Variants in CDKL3 observed in about 807,000 individuals in gnomAD.
The protein encoded by CDKL3 is cyclin-dependent kinase-like 3.
In CDKL3, 65 loss-of-function variants were observed where a neutral mutation model predicts 69.3. The ratio of observed to expected loss-of-function variants is 0.94; its 90% CI spans 0.77 to 1.15. The LOEUF is 1.15. Among genes scored for constraint, CDKL3 ranks in the 50% most tolerant of loss-of-function variants. The probability of loss-of-function intolerance (pLI) is 0.00; values close to 1 mark genes in which losing one functional copy is unlikely to be tolerated. For synonymous variants in CDKL3, 202 were observed against 221.6 expected (o/e 0.91, Z 0.79); for missense variants, 652 against 689.2 (o/e 0.95, Z 0.61).
intron 4 of CDKL3, among the ~76,000 whole-genome samples, chr5:134,338,629 G>C (rs561336460): frequency 6.6e-6 from 1 of 152,280 alleles, no homozygotes; most frequent in South Asian, 2.1e-4. Flanking sequence ...AGAGGAGGCA[G>C]AGGTTTCAGT....
chr5:134,338,923 G>A (rs537685586), intron 4 of CDKL3, among the ~76,000 whole-genome samples: 1 of 152,106 alleles, frequency 6.6e-6, no homozygotes, highest in East Asian at 1.9e-4. Context: ...GTAGGCCTAG[G>A]TGGGTGGATC....
At chr5:134,370,558 A>G (rs1561673454), upstream of CDKL3, among the ~76,000 whole-genome samples, 1 of 152,122 alleles carries the variant, frequency 6.6e-6, no homozygotes, top group Non-Finnish European at 1.5e-5. Flanking sequence ...ATACAATGGT[A>G]CTCCCCCACC....
At chr5:134,295,052 T>C (rs1219322714), downstream of CDKL3, among the ~76,000 whole-genome samples, 1 of 148,062 alleles carries the variant, frequency 6.8e-6, no homozygotes, top group Non-Finnish European at 1.5e-5. Flanking sequence ...TCTCAGTCTG[T>C]TGCCTAGGCT....
chr5:134,332,418 T>A (rs1175648951), intron 4 of CDKL3, among the ~76,000 whole-genome samples: 2 of 152,230 alleles, frequency 1.3e-5, no homozygotes, highest in Admixed American at 6.5e-5. Flanking sequence ...AGGGTTTTTA[T>A]GGTTTTAGGT....
intron 3 of CDKL3, among the ~76,000 whole-genome samples, chr5:134,357,160 T>C (rs1472085913): frequency 2.0e-5 from 3 of 152,128 alleles, no homozygotes; most frequent in African/African-American, 7.2e-5. Context: ...TTTAAGAAAA[T>C]GTAAGCCGGG....
chr5:134,371,572 C>T, upstream of CDKL3: 1 of 1,610,338 alleles, frequency 6.2e-7, no homozygotes, highest in Non-Finnish European at 8.5e-7. Flanking sequence ...TTTTTTCAGA[C>T]TGACCGCGGG....
chr5:134,299,362 TA>T, intron 12 of CDKL3: 1 of 417,254 alleles, frequency 2.4e-6, no homozygotes, highest in Non-Finnish European at 3.5e-6. Flanking sequence ...TATAAAGCCC[TA>T]AACCAATGCT....
intron 4 of CDKL3, among the ~76,000 whole-genome samples, chr5:134,336,371 TGAG>T: frequency 6.6e-6 from 1 of 152,316 alleles, no homozygotes; most frequent in East Asian, 1.9e-4. Context: ...CCCTTGCTGG[TGAG>T]GAGTTGTGTT....
intron 5 of CDKL3, among the ~76,000 whole-genome samples, chr5:134,321,426 TTAAAA>T (rs1270444640): frequency 6.6e-6 from 1 of 152,162 alleles, no homozygotes; most frequent in Admixed American, 6.6e-5. Context: ...TCCAAGTGCT[TTAAAA>T]AAGCATCTGA....
chr5:134,368,832 G>C (rs1302179122), upstream of CDKL3, among the ~76,000 whole-genome samples: 4 of 151,894 alleles, frequency 2.6e-5, no homozygotes, highest in Non-Finnish European at 5.9e-5. Flanking sequence ...GAGCCCAGGA[G>C]TTCCAGACCA....
At chr5:134,339,117 G>A (rs1176542705) in intron 4 of CDKL3, among the ~76,000 whole-genome samples, 3 of 151,888 alleles carry the variant, frequency 2.0e-5, no homozygotes, top group South Asian at 2.1e-4. Context: ...AGCCAAGATC[G>A]TGCCACTGCA....
upstream of CDKL3, among the ~76,000 whole-genome samples, chr5:134,369,243 G>C (rs1255126249): frequency 6.6e-6 from 1 of 152,186 alleles, no homozygotes; most frequent in East Asian, 1.9e-4. Context: ...CACATTCACT[G>C]AATCAGTTAA....
chr5:134,367,368 CTTTT>C (rs57811547), upstream of CDKL3: 17,430 of 762,954 alleles, frequency 0.023, no homozygotes, highest in Middle Eastern at 0.035. Context: ...GGATCTGCAT[CTTTT>C]TTTTTTTTTT....
upstream of CDKL3, chr5:134,367,368 C>CTTTTT (rs57811547): frequency 1.9e-5 from 15 of 780,426 alleles, no homozygotes; most frequent in African/African-American, 3.0e-5. Context: ...GGATCTGCAT[C>CTTTTT]TTTTTTTTTT....
chr5:134,358,415 C>T (rs912204973), intron 3 of CDKL3, among the ~76,000 whole-genome samples: 5 of 152,166 alleles, frequency 3.3e-5, no homozygotes, highest in Admixed American at 1.3e-4. Context: ...TTAGCCCAGA[C>T]TGAGATCTCC....
downstream of CDKL3, among the ~76,000 whole-genome samples, chr5:134,284,001 T>A (rs326612): frequency 0.14 from 21,310 of 151,944 alleles, 1,830 homozygotes; most frequent in African/African-American, 0.23. Flanking sequence ...ATGTCTCACA[T>A]CCAGGTCACA....
chr5:134,347,572 A>G (rs1348932667), intron 4 of CDKL3, among the ~76,000 whole-genome samples: 1 of 152,042 alleles, frequency 6.6e-6, no homozygotes, highest in Non-Finnish European at 1.5e-5. Flanking sequence ...TCAGCCATAA[A>G]AAGGAATAAA....
chr5:134,302,696 A>T lies in CDKL3; in HGVS notation c.1622-9T>A. ...CATTTTTATCTGTTTAACTTTTGCA[A>T]AAATATACAAAACAATGAAAATTTG... is the stretch of plus-strand genomic sequence containing the variant. On this transcript the variant is annotated splice_polypyrimidine_tract_variant and intron_variant, in intron 11 of 12. Transcript: ENST00000265334. The T allele has an allele frequency of 7.1e-7, 1 of 1,404,464 alleles. No homozygotes were observed. Among genetic ancestry groups the T allele is most frequent in the East Asian group, 2.4e-5 (1 of 42,310 alleles). 87.0% of individuals were successfully genotyped at this position (1,404,464 alleles called of 1,614,324 possible).
At chr5:134,332,838 G>T (rs1201602343) in intron 4 of CDKL3, among the ~76,000 whole-genome samples, 1 of 152,180 alleles carries the variant, frequency 6.6e-6, no homozygotes, top group Non-Finnish European at 1.5e-5. Flanking sequence ...AAGAAAGCCA[G>T]TGGTAGCTTT....
Sources: allele counts gnomAD v4.1 joint callset (sites outside exome capture counted in the v4.1 genomes callset), GRCh38; gene constraint gnomAD v4.1.1; transcripts MANE v1.5; gene names NCBI Gene and HGNC (gene_info 2026-07-23, HGNC 2026-07-21).